The following CDH11 variants were observed in gnomAD, a reference collection of about 807,000 sequenced individuals.
CDH11 encodes the protein cadherin-11.
Under a neutral mutation model 67.8 loss-of-function variants are expected in CDH11, and 11 were observed. That is an observed-to-expected ratio of 0.16 (90% confidence interval 0.10 to 0.27). CDH11 has a LOEUF of 0.27. Ranked by LOEUF, CDH11 falls within the 10% of genes least tolerant of loss-of-function variation. CDH11 has a pLI of 1.00. For missense variants in CDH11, 847 were observed against 1,031.2 expected, an observed-to-expected ratio of 0.82 and a Z score of 2.45; for synonymous variants, 419 against 400.0, an observed-to-expected ratio of 1.05 and a Z score of -0.57.
rs200524342 is a variant in CDH11 at position 64,964,532 on chromosome 16, CTTAT to C, written c.1642+7043_1642+7046del. Among the ~76,000 whole-genome samples the C allele has an allele frequency of 8.1e-4, 123 of 151,236 alleles. 1 individual carries two copies. The highest frequency in any genetic ancestry group is 2.2e-3 in the African/African-American group (89 of 41,226). Reference sequence around the variant, plus strand: ...GGACGTTACCTTACACTACTGTAGACTTATTTATTTATTTATTTATTTATTTATT... The same window carrying C: ...GGACGTTACCTTACACTACTGTAGACTTATTTATTTATTTATTTATTTATT... On this transcript the variant is annotated intron_variant, in intron 11 of 12. Transcript: ENST00000268603.
chr16:65,046,447 T>C (rs1273207397), intron 2 of CDH11, among the ~76,000 whole-genome samples: 2 of 152,158 alleles, frequency 1.3e-5, no homozygotes, highest in Admixed American at 6.5e-5. Flanking sequence ...ATCCCCATCC[T>C]GGGGGTGGAT....
chr16:65,002,624 T>C (rs1484790552), intron 3 of CDH11, among the ~76,000 whole-genome samples: 1 of 152,238 alleles, frequency 6.6e-6, no homozygotes, highest in African/African-American at 2.4e-5. Flanking sequence ...ACTTACACAA[T>C]GTCATTGAGA....
At chr16:65,086,534 G>A (rs1194001527) in intron 1 of CDH11, among the ~76,000 whole-genome samples, 1 of 152,226 alleles carries the variant, frequency 6.6e-6, no homozygotes, top group African/African-American at 2.4e-5. Context: ...GCACCTTCCT[G>A]TAAAGAAAGC....
intron 11 of CDH11, among the ~76,000 whole-genome samples, chr16:64,962,717 G>A (rs906285201): frequency 1.4e-4 from 22 of 152,146 alleles, no homozygotes; most frequent in African/African-American, 5.1e-4. Flanking sequence ...ATACGCCAGA[G>A]CATTCTGTTC....
chr16:65,078,545 C>T (rs777476045), intron 1 of CDH11, among the ~76,000 whole-genome samples: 1 of 152,192 alleles, frequency 6.6e-6, no homozygotes, highest in Non-Finnish European at 1.5e-5. Context: ...ATCCCCATCA[C>T]ACTGCAAGAA....
chr16:65,053,745 T>G, intron 2 of CDH11, 59 bp downstream of exon 2: 1 of 449,118 alleles, frequency 2.2e-6, no homozygotes, highest in Non-Finnish European at 4.5e-6. Context: ...AGTGGCATAC[T>G]TTCCATCTTG....
intron 1 of CDH11, among the ~76,000 whole-genome samples, chr16:65,100,248 TGAG>T (rs2074967175): frequency 6.6e-6 from 1 of 151,996 alleles, no homozygotes; most frequent in South Asian, 2.1e-4. Flanking sequence ...GGATGCAGCT[TGAG>T]GATTAGTTAG....
intron 2 of CDH11, among the ~76,000 whole-genome samples, chr16:65,024,851 T>A (rs1465946670): frequency 1.3e-5 from 2 of 152,148 alleles, no homozygotes; most frequent in African/African-American, 4.8e-5. Context: ...AACCAAGGGA[T>A]CAGGGAACAC....
intron 1 of CDH11, among the ~76,000 whole-genome samples, chr16:65,075,047 AC>A: frequency 6.6e-6 from 1 of 152,108 alleles, no homozygotes. Context: ...CACATAGTAC[AC>A]CCTGGCAAAC....
intron 11 of CDH11, among the ~76,000 whole-genome samples, chr16:64,954,011 G>A (rs776799984): frequency 7.9e-5 from 12 of 152,234 alleles, no homozygotes; most frequent in Non-Finnish European, 1.3e-4. Flanking sequence ...ATTCTTCAAT[G>A]TGCCATCCAG....
chr16:65,103,574 A>T (rs1473173533), intron 1 of CDH11, among the ~76,000 whole-genome samples: 1 of 152,198 alleles, frequency 6.6e-6, no homozygotes, highest in African/African-American at 2.4e-5. Context: ...GTAGTATAGG[A>T]TTATTTTGAA....
chr16:65,060,828 C>T (rs2074227319), intron 1 of CDH11, among the ~76,000 whole-genome samples: 1 of 152,072 alleles, frequency 6.6e-6, no homozygotes, highest in Admixed American at 6.6e-5. Context: ...TATTAAAATT[C>T]TAAATGGTTT....
At chr16:65,023,451 A>G (rs1425744090) in intron 2 of CDH11, among the ~76,000 whole-genome samples, 1 of 152,204 alleles carries the variant, frequency 6.6e-6, no homozygotes, top group Non-Finnish European at 1.5e-5. Flanking sequence ...CAGCCCGGGA[A>G]GCCACCTGGG....
chr16:65,030,599 C>A (rs535684413), intron 2 of CDH11, among the ~76,000 whole-genome samples: 4 of 152,144 alleles, frequency 2.6e-5, no homozygotes, highest in Non-Finnish European at 5.9e-5. Context: ...TAGACAGGGT[C>A]TCCTTCTGTC....
At chr16:65,002,997 A>G (rs1402834177) in intron 3 of CDH11, among the ~76,000 whole-genome samples, 1 of 144,828 alleles carries the variant, frequency 6.9e-6, no homozygotes, top group Non-Finnish European at 1.5e-5. Context: ...GTTAGGAGCT[A>G]TCTTAATCTA....
intron 2 of CDH11, among the ~76,000 whole-genome samples, chr16:65,033,237 A>ACACACACAC (rs2073680488): frequency 7.2e-6 from 1 of 139,518 alleles, no homozygotes. Context: ...AAACTAGGAA[A>ACACACACAC]ACACACACAC....
At chr16:65,097,857 G>A (rs1004957681) in intron 1 of CDH11, among the ~76,000 whole-genome samples, 1 of 151,964 alleles carries the variant, frequency 6.6e-6, no homozygotes, top group African/African-American at 2.4e-5. Context: ...AAAAATAAGA[G>A]GAAATTCAGC....
At chr16:65,058,301 A>G (rs548912643) in intron 1 of CDH11, among the ~76,000 whole-genome samples, 3 of 152,380 alleles carry the variant, frequency 2.0e-5, no homozygotes, top group Admixed American at 2.0e-4. Context: ...ATAGTTAGTT[A>G]AAGCAAACTA....
At position 65,120,994 on chromosome 16, in the gene CDH11, G is replaced by T. The variant is rs111462045; in HGVS notation, c.-298+886C>A. On this transcript the variant is annotated intron_variant, in intron 1 of 12. Transcript: ENST00000268603. ...TTCCCACCTCCCGGCTCGCGTTCCGGGGCAGAGCGCAGGGAGGGAGGCCGT... is the reference window on the plus strand; with the variant it reads ...TTCCCACCTCCCGGCTCGCGTTCCGTGGCAGAGCGCAGGGAGGGAGGCCGT... 4.1e-3 allele frequency among the ~76,000 whole-genome samples: 618 copies of T among 152,306 alleles called. 6 individuals carry two copies. The highest frequency in any genetic ancestry group is 0.014 in the African/African-American group (588 of 41,572).
Sources: allele counts gnomAD v4.1 joint callset (sites outside exome capture counted in the v4.1 genomes callset), GRCh38; gene constraint gnomAD v4.1.1; transcripts MANE v1.5; gene names NCBI Gene and HGNC (gene_info 2026-07-23, HGNC 2026-07-21).